The following CYRIB variants were observed in gnomAD, a reference collection of about 807,000 sequenced individuals.
CYRIB encodes the protein CYFIP-related Rac1 interactor B.
In CYRIB, 8 loss-of-function variants were observed where a neutral mutation model predicts 44.2. The ratio of observed to expected loss-of-function variants is 0.18; its 90% CI spans 0.11 to 0.33. The LOEUF is 0.33. Among genes scored for constraint, CYRIB ranks in the 10% least tolerant of loss-of-function variants. The probability of loss-of-function intolerance (pLI) is 1.00; values close to 1 mark genes in which losing one functional copy is unlikely to be tolerated. For synonymous variants in CYRIB, 131 were observed against 127.2 expected (o/e 1.03, Z -0.20); for missense variants, 185 against 382.8 (o/e 0.48, Z 4.31).
intron 6 of CYRIB, among the ~76,000 whole-genome samples, chr8:129,855,225 T>A (rs1434880154): frequency 6.6e-6 from 1 of 152,076 alleles, no homozygotes; most frequent in Admixed American, 6.6e-5. Context: ...ACCCCGTCTC[T>A]ACTAAAAATA....
rs1039727751 is a variant in CYRIB, at chr8:129,913,005, T to C, written c.-49-9655A>G. Among the ~76,000 whole-genome samples the C allele has an allele frequency of 4.1e-5, 6 of 145,654 alleles. No homozygotes were observed. The Admixed American group carries it at 4.4e-4, about 11-fold the overall frequency. ...TTTTTTTTTTTGAGACGGAGACTGC[T>C]CTGTCACCCAGGCTGGAGTGCAGTG... On this transcript the variant is annotated intron_variant, in intron 1 of 11. Transcript: ENST00000519824.
At chr8:129,911,844 G>A (rs2078209785) in intron 1 of CYRIB, among the ~76,000 whole-genome samples, 1 of 152,140 alleles carries the variant, frequency 6.6e-6, no homozygotes, top group African/African-American at 2.4e-5. Flanking sequence ...ATCTTGCCCT[G>A]ATTACTGACC....
chr8:130,006,357 T>C (rs893340997), intron 1 of CYRIB, among the ~76,000 whole-genome samples: 1 of 150,398 alleles, frequency 6.6e-6, no homozygotes, highest in African/African-American at 2.4e-5. Flanking sequence ...GGTGTGCACC[T>C]ATAGTCCCAT....
chr8:129,884,857 T>C (rs1588568456), intron 2 of CYRIB, among the ~76,000 whole-genome samples: 1 of 152,044 alleles, frequency 6.6e-6, no homozygotes, highest in South Asian at 2.1e-4. Flanking sequence ...TCTGGTGGAA[T>C]TTTTTTTACT....
intron 2 of CYRIB, chr8:129,901,672 A>G (rs2072091574): frequency 1.3e-5 from 2 of 152,246 alleles, no homozygotes; most frequent in Non-Finnish European, 2.9e-5. Flanking sequence ...CCTTTTCACT[A>G]ACCTCTATAC....
At chr8:130,006,338 G>A (rs373914961) in intron 1 of CYRIB, among the ~76,000 whole-genome samples, 7 of 150,164 alleles carry the variant, frequency 4.7e-5, no homozygotes, top group South Asian at 2.1e-4. Context: ...CTGGCTTGCC[G>A]GGTACAGTGG....
intron 2 of CYRIB, among the ~76,000 whole-genome samples, chr8:129,969,174 C>T (rs1178105063): frequency 3.9e-5 from 6 of 152,088 alleles, no homozygotes; most frequent in Non-Finnish European, 8.8e-5. Flanking sequence ...CCACCACACC[C>T]GGCTGATTTT....
intron 5 of CYRIB, among the ~76,000 whole-genome samples, chr8:129,860,514 C>A (rs1215420153): frequency 2.0e-5 from 3 of 152,134 alleles, no homozygotes; most frequent in Non-Finnish European, 4.4e-5. Context: ...AATTACAATT[C>A]TTATTTCCAG....
At chr8:129,911,315 G>C (rs1345937654) in intron 1 of CYRIB, among the ~76,000 whole-genome samples, 1 of 152,190 alleles carries the variant, frequency 6.6e-6, no homozygotes, top group African/African-American at 2.4e-5. Flanking sequence ...CATGACTAGA[G>C]GGTAAGGAAT....
chr8:129,867,071 T>C (rs1221607618), intron 4 of CYRIB, among the ~76,000 whole-genome samples: 1 of 152,214 alleles, frequency 6.6e-6, no homozygotes, highest in Non-Finnish European at 1.5e-5. Context: ...GAAGGATCGC[T>C]TGAGGCCAGG....
intron 2 of CYRIB, among the ~76,000 whole-genome samples, chr8:129,952,609 T>C (rs776088832): frequency 1.4e-4 from 22 of 152,066 alleles, no homozygotes; most frequent in Non-Finnish European, 1.9e-4. Context: ...TCCAAAAAGA[T>C]GGCATTTTAA....
At chr8:129,982,853 T>TGCAGCTGGG (rs1250977049) in intron 1 of CYRIB, among the ~76,000 whole-genome samples, 12 of 152,206 alleles carry the variant, frequency 7.9e-5, no homozygotes, top group African/African-American at 2.9e-4. Context: ...CACCTCTTTC[T>TGCAGCTGGG]GTCCCCAGGC....
rs576661501 is a variant in CYRIB at position 129,894,298 on chromosome 8, C to A, written c.-11+9014G>T. Among the ~76,000 whole-genome samples, 4 of 152,322 alleles carry A rather than the reference C, an allele frequency of 2.6e-5. No homozygotes were observed. The East Asian group carries it at 7.7e-4, about 29-fold the overall frequency. On this transcript the variant is annotated intron_variant, in intron 2 of 11. Transcript: ENST00000519824. ...GGTACAAAGATTTCCTATTTCCTGT[C>A]CTCCAAAACCTCAAGTTTAATTTTT...
At chr8:130,005,640 C>T (rs781094466) in intron 1 of CYRIB, among the ~76,000 whole-genome samples, 9 of 152,036 alleles carry the variant, frequency 5.9e-5, no homozygotes, top group African/African-American at 9.7e-5. Flanking sequence ...ATGGGGTCCC[C>T]GGGTGGGTCA....
At chr8:129,946,999 C>G (rs2094186621) in intron 2 of CYRIB, among the ~76,000 whole-genome samples, 1 of 152,148 alleles carries the variant, frequency 6.6e-6, no homozygotes, top group Admixed American at 6.5e-5. Context: ...CACTCATTCC[C>G]TAGCATGTCA....
At chr8:129,879,669 G>C (rs1588383675) in intron 2 of CYRIB, 198 bp from the exon 5 acceptor site, 1 of 511,072 alleles carries the variant, frequency 2.0e-6, no homozygotes, top group South Asian at 2.9e-5. Context: ...GGTGAAATGT[G>C]GTTTTCCTGT....
At chr8:129,877,057 C>T (rs1174445613) in intron 3 of CYRIB, among the ~76,000 whole-genome samples, 4 of 151,854 alleles carry the variant, frequency 2.6e-5, no homozygotes, top group African/African-American at 9.7e-5. Context: ...ACGCATATTT[C>T]CAAAAAGAAG....
intron 1 of CYRIB, among the ~76,000 whole-genome samples, chr8:130,010,922 C>T (rs1489016771): frequency 1.3e-5 from 2 of 152,130 alleles, no homozygotes; most frequent in African/African-American, 4.8e-5. Context: ...CCTGCCCCAG[C>T]CCCTGCTCAG....
intron 1 of CYRIB, among the ~76,000 whole-genome samples, chr8:129,992,001 A>G (rs555675241): frequency 1.4e-5 from 2 of 142,828 alleles, no homozygotes; most frequent in South Asian, 2.3e-4. Flanking sequence ...GGTTTTAAGC[A>G]GAGGTGTGGT....
Sources: allele counts gnomAD v4.1 joint callset (sites outside exome capture counted in the v4.1 genomes callset), GRCh38; gene constraint gnomAD v4.1.1; transcripts MANE v1.5; gene names NCBI Gene and HGNC (gene_info 2026-07-23, HGNC 2026-07-21).